Variants in PDE4D observed in about 807,000 individuals in gnomAD.
PDE4D encodes 3',5'-cyclic-AMP phosphodiesterase 4D.
In PDE4D, 24 loss-of-function variants were observed where a neutral mutation model predicts 87.4. The observed-to-expected ratio is 0.27, with a 90% CI of 0.20 to 0.39. The LOEUF is 0.39. PDE4D is among the 10% of genes least tolerant of loss of function. The pLI is 1.00. For synonymous variants in PDE4D, 384 were observed against 383.2 expected, an observed-to-expected ratio of 1.00 and a Z score of -0.02; for missense variants, 714 against 1,041.0, an observed-to-expected ratio of 0.69 and a Z score of 4.32.
At chr5:60,091,584 CA>C (rs1446771399) in intron 2 of PDE4D, among the ~76,000 whole-genome samples, 1 of 152,004 alleles carries the variant, frequency 6.6e-6, no homozygotes, top group Non-Finnish European at 1.5e-5. Flanking sequence ...GGAGGTTCCT[CA>C]AAAAATTAAA....
intron 1 of PDE4D, among the ~76,000 whole-genome samples, chr5:60,236,791 G>A (rs1200842747): frequency 6.6e-6 from 1 of 152,020 alleles, no homozygotes; most frequent in African/African-American, 2.4e-5. Context: ...GCCATGAGCC[G>A]AGGAATATGA....
intron 2 of PDE4D, among the ~76,000 whole-genome samples, chr5:59,992,336 C>T (rs1763092068): frequency 6.6e-6 from 1 of 152,196 alleles, no homozygotes; most frequent in Non-Finnish European, 1.5e-5. Flanking sequence ...CTCGAATTGG[C>T]TTCCTTGCTC....
intron 2 of PDE4D, among the ~76,000 whole-genome samples, chr5:60,163,051 G>A (rs1249344468): frequency 6.6e-6 from 1 of 152,092 alleles, no homozygotes; most frequent in East Asian, 1.9e-4. Flanking sequence ...AATAACAGCT[G>A]TACCAAAACC....
chr5:60,342,695 G>GA (rs59843129), intron 1 of PDE4D, among the ~76,000 whole-genome samples: 15 of 149,186 alleles, frequency 1.0e-4, no homozygotes, highest in African/African-American at 1.9e-4. Context: ...GAAAACCAAT[G>GA]AAAAAAAAAA....
At chr5:59,745,777 T>C (rs572141842) in intron 1 of PDE4D, among the ~76,000 whole-genome samples, 1 of 152,278 alleles carries the variant, frequency 6.6e-6, no homozygotes, top group East Asian at 1.9e-4. Flanking sequence ...AAAAAATGTT[T>C]GCACATGTTG....
intron 1 of PDE4D, among the ~76,000 whole-genome samples, chr5:59,839,091 T>A (rs921983905): frequency 6.6e-6 from 1 of 151,848 alleles, no homozygotes; most frequent in Non-Finnish European, 1.5e-5. Context: ...GAACAGCAGA[T>A]GAAACACACT....
At chr5:59,937,996 C>T (rs1166760007) in intron 3 of PDE4D, among the ~76,000 whole-genome samples, 1 of 152,182 alleles carries the variant, frequency 6.6e-6, no homozygotes, top group Non-Finnish European at 1.5e-5. Context: ...TAACAACGTG[C>T]TTTTATTCCA....
intron 1 of PDE4D, among the ~76,000 whole-genome samples, chr5:60,202,960 T>C (rs1742096389): frequency 1.3e-5 from 2 of 152,170 alleles, no homozygotes. Flanking sequence ...GCCTTGTTCA[T>C]AATAATAAAA....
chr5:59,955,500 A>C (rs1234452150), intron 3 of PDE4D, among the ~76,000 whole-genome samples: 1 of 152,188 alleles, frequency 6.6e-6, no homozygotes, highest in Non-Finnish European at 1.5e-5. Flanking sequence ...GGAATATCAC[A>C]CAAATTGGCC....
At chr5:58,991,774 A>G in intron 8 of PDE4D, 58 bp downstream of exon 8, 1 of 1,150,136 alleles carries the variant, frequency 8.7e-7, no homozygotes, top group East Asian at 2.8e-5. Context: ...CTAGAAGTGA[A>G]AATTCATGAA....
intron 5 of PDE4D, among the ~76,000 whole-genome samples, chr5:59,131,601 CACACACACA>C (rs1478391486): frequency 3.6e-5 from 1 of 28,086 alleles, no homozygotes; most frequent in Non-Finnish European, 9.1e-5. Context: ...ATTTAAAACA[CACACACACA>C]CACACACACA....
chr5:59,358,160 G>C (rs1781679246), intron 1 of PDE4D, among the ~76,000 whole-genome samples: 1 of 152,108 alleles, frequency 6.6e-6, no homozygotes, highest in Admixed American at 6.5e-5. Context: ...AGGACACCAG[G>C]GGTTCTTAAG....
intron 5 of PDE4D, among the ~76,000 whole-genome samples, chr5:59,110,108 T>C (rs575013044): frequency 6.6e-6 from 1 of 152,360 alleles, no homozygotes; most frequent in African/African-American, 2.4e-5. Context: ...TATGTACTAT[T>C]TAGCATTCTA....
intron 5 of PDE4D, among the ~76,000 whole-genome samples, chr5:59,067,085 G>A (rs1764066362): frequency 6.6e-6 from 1 of 151,844 alleles, no homozygotes; most frequent in South Asian, 2.1e-4. Flanking sequence ...CATGATCTCA[G>A]ATCACTGCAC....
chr5:60,008,128 A>G (rs1282399298), intron 2 of PDE4D, among the ~76,000 whole-genome samples: 5 of 152,004 alleles, frequency 3.3e-5, no homozygotes, highest in African/African-American at 4.8e-5. Context: ...TTTTGGGGAC[A>G]CAAAGATTGG....
At chr5:60,479,845 G>A (rs1176364775) in intron 1 of PDE4D, among the ~76,000 whole-genome samples, 10 of 152,170 alleles carry the variant, frequency 6.6e-5, no homozygotes, top group Admixed American at 3.9e-4. Flanking sequence ...ATGCAGTCAC[G>A]TCTTATTTAC....
At chr5:59,528,003 A>G (rs1199322279) in intron 1 of PDE4D, among the ~76,000 whole-genome samples, 1 of 152,218 alleles carries the variant, frequency 6.6e-6, no homozygotes, top group Admixed American at 6.5e-5. Context: ...ACCATCAGCC[A>G]TCAACCACCA....
chr5:60,107,091 C>A (rs1294910022), intron 2 of PDE4D, among the ~76,000 whole-genome samples: 1 of 151,762 alleles, frequency 6.6e-6, no homozygotes, highest in Non-Finnish European at 1.5e-5. Context: ...AAAAGATCAA[C>A]AAAATTGATA....
At chr5:59,890,726 C>G (rs1581617657) in intron 1 of PDE4D, among the ~76,000 whole-genome samples, 1 of 152,204 alleles carries the variant, frequency 6.6e-6, no homozygotes, top group East Asian at 1.9e-4. Flanking sequence ...CTAGCACTCA[C>G]AGTCTATGTG....
Sources: gnomAD v4.1 joint callset for allele counts (sites outside exome capture counted in the v4.1 genomes callset) on GRCh38, gnomAD v4.1.1 for gene constraint, MANE v1.5 for transcripts, NCBI Gene and HGNC (gene_info 2026-07-23, HGNC 2026-07-21) for gene names.